The following BTBD3 variants were observed in gnomAD, a reference collection of about 807,000 sequenced individuals.
BTBD3 encodes BTB domain containing 3, also known as BTB/POZ domain-containing protein 3.
Under a neutral mutation model 41.6 loss-of-function variants are expected in BTBD3, and 14 were observed. The observed-to-expected ratio is 0.34, with a 90% CI of 0.22 to 0.53. The LOEUF (loss-of-function observed/expected upper bound fraction) is 0.53. Ranked by LOEUF, BTBD3 falls within the 20% of genes least tolerant of loss-of-function variation. The probability of loss-of-function intolerance (pLI) is 0.95; values close to 1 mark genes in which losing one functional copy is unlikely to be tolerated. For missense variants in BTBD3, 426 were observed against 654.7 expected (o/e 0.65, Z 3.81); for synonymous variants, 249 against 233.7 (o/e 1.07, Z -0.60).
At chr20:11,919,339 A>C (rs906622175) in intron 2 of BTBD3, 163 bp downstream of exon 2, 1 of 1,399,660 alleles carries the variant, frequency 7.1e-7, no homozygotes, top group East Asian at 2.6e-5. Flanking sequence ...GGCCACGCTT[A>C]ATTTTTTCTT....
rs760831100 is a variant in BTBD3 at position 11,918,407 on chromosome 20, G to A, written c.132G>A (p.Lys44=). 1.9e-6 allele frequency: 3 copies of A among 1,614,166 alleles called. No individual in the cohort carries two copies. Among genetic ancestry groups the A allele is most frequent in the Admixed American group, 3.3e-5 (2 of 60,028 alleles). The change falls in exon 1 of 4, where the codon AAG becomes AAA. Residue 44 remains lysine, a synonymous_variant. Coordinates refer to ENST00000378226, the MANE Select transcript of BTBD3 (RefSeq NM_014962.4). ...GCAGCAGCAGTAGCAACAGCAGCAAGTTGCCACCAGTTTGTTATGAAATAA... is the reference window on the plus strand; with the variant it reads ...GCAGCAGCAGTAGCAACAGCAGCAAATTGCCACCAGTTTGTTATGAAATAA... The part of the protein sequence containing the change: ...NTSSSSSNSS[K]LPPVCYEIIT...
chr20:11,900,469 T>G (rs2122193629), intron 1 of BTBD3, among the ~76,000 whole-genome samples: 1 of 152,316 alleles, frequency 6.6e-6, no homozygotes, highest in South Asian at 2.1e-4. Flanking sequence ...AGAGTTTTTG[T>G]CTTTTAATGC....
intron 1 of BTBD3, among the ~76,000 whole-genome samples, chr20:11,893,006 C>T (rs1314577459): frequency 6.6e-6 from 1 of 151,970 alleles, no homozygotes; most frequent in Admixed American, 6.5e-5. Context: ...TCTACACATT[C>T]TCCTACTTCC....
rs746916322 is a variant in BTBD3 at position 11,923,480 on chromosome 20, C to A, written c.1383C>A (p.Ile461=). The A allele has an allele frequency of 4.3e-6, 7 of 1,613,990 alleles. No individual in the cohort carries two copies. The highest frequency in any genetic ancestry group is 3.3e-5 in the Admixed American group (2 of 60,002). Residue 461 remains isoleucine, a synonymous_variant, in exon 4 of 4, where the codon ATC becomes ATA. Coordinates refer to ENST00000378226, the MANE Select transcript of BTBD3 (RefSeq NM_014962.4). This position sits in a 1 kb window ranked among gnomAD's most constrained non-coding sequence, Gnocchi z 5.3. ...FPVWFEYPVQ[I]EPDTFYTASV... ...TATGGTTTGAATACCCAGTGCAGATCGAGCCAGACACCTTCTACACAGCCA... is the reference window on the plus strand; with the variant it reads ...TATGGTTTGAATACCCAGTGCAGATAGAGCCAGACACCTTCTACACAGCCA...
chr20:11,916,179 C>T (rs996251881), upstream of BTBD3, among the ~76,000 whole-genome samples: 1 of 151,962 alleles, frequency 6.6e-6, no homozygotes, highest in Admixed American at 6.6e-5. Flanking sequence ...GAGATTAATC[C>T]CAGTCAGAAA....
chr20:11,896,523 G>GA (rs1320115477), intron 1 of BTBD3, among the ~76,000 whole-genome samples: 1 of 152,066 alleles, frequency 6.6e-6, no homozygotes, highest in African/African-American at 2.4e-5. Context: ...GAACATTATC[G>GA]AATAGTAATG....
chr20:11,906,776 C>T (rs2056857493), intron 1 of BTBD3, among the ~76,000 whole-genome samples: 1 of 152,072 alleles, frequency 6.6e-6, no homozygotes, highest in Non-Finnish European at 1.5e-5. Context: ...GGTTTATTTG[C>T]AGGGGAGGCA....
At chr20:11,890,958 A>G (rs1293319609) in intron 1 of BTBD3, 41 of 983,256 alleles carry the variant, frequency 4.2e-5, no homozygotes, top group Non-Finnish European at 4.3e-5. Context: ...GCTGGCGGTG[A>G]GTGAGGGCGC....
chr20:11,896,336 T>G (rs1297260750), intron 1 of BTBD3, among the ~76,000 whole-genome samples: 1 of 152,226 alleles, frequency 6.6e-6, no homozygotes, highest in East Asian at 1.9e-4. Flanking sequence ...TTGGTGTATT[T>G]ATTTTATAGC....
In BTBD3 at chr20:11,926,019, A is replaced by G. The variant is rs2057016637; in HGVS notation, c.*2353A>G. 1 of 152,238 alleles carries G rather than the reference A, an allele frequency of 6.6e-6. No individual in the cohort carries two copies. Among genetic ancestry groups the G allele is most frequent in the African/African-American group, 2.4e-5 (1 of 41,456 alleles). 9.4% of individuals were successfully genotyped at this position (152,238 alleles called of 1,614,324 possible). ...TTGTATTTAGAATAAGAAATTTTAC[A>G]TTTTAAACCCTATTGTCCTTTATGC... On this transcript the variant is annotated 3_prime_UTR_variant, in exon 4 of 4. Transcript: ENST00000378226.
chr20:11,921,257 TA>T (rs2056967843), intron 3 of BTBD3, among the ~76,000 whole-genome samples: 1 of 152,258 alleles, frequency 6.6e-6, no homozygotes, highest in Non-Finnish European at 1.5e-5. Flanking sequence ...ACATCTCACC[TA>T]AGTCATTTGA....
upstream of BTBD3, among the ~76,000 whole-genome samples, chr20:11,913,941 C>A (rs1600240635): frequency 1.3e-5 from 2 of 152,204 alleles, no homozygotes; most frequent in South Asian, 4.1e-4. Context: ...TATTAGCTAA[C>A]TTTTTAAGTT....
At position 11,890,971 on chromosome 20, in the gene BTBD3, C is replaced by T. The variant is rs1319215325; in HGVS notation, c.-126+17C>T. 3.1e-6 allele frequency: 3 copies of T among 982,382 alleles called. No individual in the cohort carries two copies. In the East Asian group the frequency reaches 3.4e-4, roughly 113 times the overall value. The allele number at this position is 982,382 out of a possible 1,614,324, so 60.9% of individuals were successfully genotyped here. ...GCGCTGGCGGTGAGTGAGGGCGCCG[C>T]GGGCGAGCGGGTCGGCGCCTCCGCG... On this transcript the variant is annotated intron_variant, in intron 1 of 4. Transcript: ENST00000254977.
intron 1 of BTBD3, among the ~76,000 whole-genome samples, chr20:11,904,195 G>A (rs1164841687): frequency 6.6e-6 from 1 of 152,146 alleles, no homozygotes; most frequent in Non-Finnish European, 1.5e-5. Context: ...TCACAGTTCT[G>A]CAGGCTCTAC....
intron 1 of BTBD3, among the ~76,000 whole-genome samples, chr20:11,898,840 T>C (rs767088913): frequency 8.5e-5 from 13 of 152,222 alleles, no homozygotes; most frequent in Non-Finnish European, 1.6e-4. Flanking sequence ...GGGTGCTCTC[T>C]GTAAAGTACT....
At chr20:11,904,078 T>G (rs1028269003) in intron 1 of BTBD3, among the ~76,000 whole-genome samples, 4 of 152,298 alleles carry the variant, frequency 2.6e-5, no homozygotes, top group African/African-American at 9.6e-5. Flanking sequence ...TTGTATATAG[T>G]TCATTAAGAA....
chr20:11,900,499 A>C (rs567631070), intron 1 of BTBD3, among the ~76,000 whole-genome samples: 2 of 152,086 alleles, frequency 1.3e-5, no homozygotes, highest in South Asian at 4.2e-4. Flanking sequence ...TCTTCTACTA[A>C]TCTGTTTTTT....
At chr20:11,900,316 A>G (rs1439369786) in intron 1 of BTBD3, among the ~76,000 whole-genome samples, 3 of 152,224 alleles carry the variant, frequency 2.0e-5, no homozygotes, top group Non-Finnish European at 2.9e-5. Flanking sequence ...CTGAATGGAA[A>G]AAATTGACCT....
intron 1 of BTBD3, among the ~76,000 whole-genome samples, chr20:11,905,877 T>C (rs1466988647): frequency 6.6e-6 from 1 of 152,194 alleles, no homozygotes; most frequent in Non-Finnish European, 1.5e-5. Flanking sequence ...CAGAGAGATT[T>C]GGTCACTTGT....
Sources: allele counts gnomAD v4.1 joint callset (sites outside exome capture counted in the v4.1 genomes callset), GRCh38; gene constraint gnomAD v4.1.1; non-coding constraint Gnocchi (gnomAD v3.1); transcripts MANE v1.5; gene names NCBI Gene and HGNC (gene_info 2026-07-23, HGNC 2026-07-21).